HS6ST3: variants seen among roughly 807,000 people sequenced by gnomAD.
HS6ST3 encodes the protein heparan sulfate 6-O-sulfotransferase 3, also known as heparan-sulfate 6-O-sulfotransferase 3.
A neutral mutation model predicts 36.7 loss-of-function variants in HS6ST3; 12 were observed. That is an observed-to-expected ratio of 0.33 (90% CI 0.21 to 0.53). HS6ST3 has a LOEUF of 0.53. Ranked by LOEUF, HS6ST3 falls within the 20% of genes least tolerant of loss-of-function variation. The pLI is 0.95. For missense variants in HS6ST3, 584 were observed against 640.9 expected (o/e 0.91, Z 0.96); for synonymous variants, 240 against 257.5 (o/e 0.93, Z 0.65).
At chr13:96,804,300 C>T (rs1373415127) in intron 1 of HS6ST3, among the ~76,000 whole-genome samples, 1 of 152,174 alleles carries the variant, frequency 6.6e-6, no homozygotes, top group Non-Finnish European at 1.5e-5. Flanking sequence ...GTGCAGATGG[C>T]AGCCCCAAAT....
chr13:96,644,309 A>C (rs907959859), intron 1 of HS6ST3, among the ~76,000 whole-genome samples: 1 of 152,036 alleles, frequency 6.6e-6, no homozygotes, highest in Admixed American at 6.6e-5. Context: ...ACATTCATCA[A>C]TTATGTCATA....
intron 1 of HS6ST3, among the ~76,000 whole-genome samples, chr13:96,804,000 G>A (rs968772391): frequency 3.9e-5 from 6 of 152,068 alleles, no homozygotes; most frequent in East Asian, 3.9e-4. Flanking sequence ...AAAGCCTTTC[G>A]GTCCCATCTC....
At chr13:96,689,532 C>T (rs990443333) in intron 1 of HS6ST3, among the ~76,000 whole-genome samples, 1 of 151,032 alleles carries the variant, frequency 6.6e-6, no homozygotes, top group Non-Finnish European at 1.5e-5. Context: ...TAAGAGGGTC[C>T]CCCAAAATGT....
At chr13:96,331,888 C>T (rs1190600441) in intron 1 of HS6ST3, among the ~76,000 whole-genome samples, 2 of 152,218 alleles carry the variant, frequency 1.3e-5, no homozygotes, top group African/African-American at 4.8e-5. Context: ...TCGTGGTGCG[C>T]CGTTTTTTAA....
chr13:96,496,156 T>C (rs145843998), intron 1 of HS6ST3, among the ~76,000 whole-genome samples: 23 of 152,354 alleles, frequency 1.5e-4, no homozygotes, highest in African/African-American at 5.0e-4. Flanking sequence ...AACACCTTTT[T>C]CATCCCATTC....
intron 1 of HS6ST3, among the ~76,000 whole-genome samples, chr13:96,762,362 C>T (rs1329827779): frequency 1.3e-5 from 2 of 152,156 alleles, no homozygotes; most frequent in Admixed American, 6.5e-5. Context: ...TGCCTGTAAT[C>T]CCAGCTACCT....
chr13:96,670,466 G>T (rs552198082), intron 1 of HS6ST3, among the ~76,000 whole-genome samples: 136 of 152,104 alleles, frequency 8.9e-4, no homozygotes, highest in Non-Finnish European at 1.7e-3. Context: ...TTAAAGGCAT[G>T]AGATCTTATA....
At chr13:96,553,960 C>T (rs7334107) in intron 1 of HS6ST3, among the ~76,000 whole-genome samples, 12,833 of 152,120 alleles carry the variant, frequency 0.084, 990 homozygotes, top group African/African-American at 0.21. Flanking sequence ...TACAATAAAT[C>T]GCATTAGGGA....
rs1258594583 is a variant in HS6ST3 at position 96,254,496 on chromosome 13, T to C, written c.707+162927T>C. ...ATATATATATATATATATATATATA[T>C]ATACACATACATACACACACACACT... On this transcript the variant is annotated intron_variant, in intron 1 of 1. Transcript: ENST00000376705. Among the ~76,000 whole-genome samples, 190 of 21,884 alleles carry C rather than the reference T, an allele frequency of 8.7e-3. 10 individuals are homozygous for C. The highest frequency in any genetic ancestry group is 0.029 in the African/African-American group (172 of 5,970). 14.4% of individuals were successfully genotyped at this position (21,884 alleles called of 152,430 possible). A position where few individuals can be genotyped will look rare whatever the true frequency, so the allele number is the denominator to read the frequency against.
intron 1 of HS6ST3, among the ~76,000 whole-genome samples, chr13:96,650,592 T>G (rs1356507088): frequency 1.3e-5 from 2 of 152,012 alleles, no homozygotes; most frequent in Non-Finnish European, 2.9e-5. Flanking sequence ...GAATGAGTAC[T>G]GAATGTCAAA....
At chr13:96,523,823 A>G (rs889803623) in intron 1 of HS6ST3, among the ~76,000 whole-genome samples, 1 of 152,108 alleles carries the variant, frequency 6.6e-6, no homozygotes, top group Non-Finnish European at 1.5e-5. Context: ...AGCTCAGAGA[A>G]GTTTGTTATT....
At chr13:96,290,110 A>G (rs1360525042) in intron 1 of HS6ST3, among the ~76,000 whole-genome samples, 1 of 151,960 alleles carries the variant, frequency 6.6e-6, no homozygotes. Flanking sequence ...TGATTGTCCT[A>G]TGGGCAGTTA....
chr13:96,327,657 A>G (rs1045615083), intron 1 of HS6ST3, among the ~76,000 whole-genome samples: 1 of 151,478 alleles, frequency 6.6e-6, no homozygotes, highest in Non-Finnish European at 1.5e-5. Flanking sequence ...TGACTTGGCG[A>G]TGCGGGCTCT....
intron 1 of HS6ST3, among the ~76,000 whole-genome samples, chr13:96,133,082 G>C (rs1315881128): frequency 1.2e-4 from 18 of 151,752 alleles, no homozygotes; most frequent in Admixed American, 1.2e-3. Flanking sequence ...ATTGTCTCTT[G>C]ACCTTATTGT....
chr13:96,571,307 T>C (rs2056300194), intron 1 of HS6ST3, among the ~76,000 whole-genome samples: 1 of 152,314 alleles, frequency 6.6e-6, no homozygotes. Context: ...GTGGAACATG[T>C]TGGTTTTTCG....
intron 1 of HS6ST3, among the ~76,000 whole-genome samples, chr13:96,806,163 A>G (rs1395983204): frequency 2.0e-5 from 3 of 152,360 alleles, no homozygotes; most frequent in Non-Finnish European, 4.4e-5. Context: ...GAAACTAACC[A>G]GGACAAATAA....
At chr13:96,417,557 G>A (rs1481972913) in intron 1 of HS6ST3, among the ~76,000 whole-genome samples, 7 of 150,976 alleles carry the variant, frequency 4.6e-5, no homozygotes, top group Non-Finnish European at 7.4e-5. Flanking sequence ...TCTATAGAGG[G>A]CCCAGCATGG....
Position 96,834,557 on chromosome 13 carries a change from A to G in HS6ST3, c.*1359A>G, listed in dbSNP as rs1003133177. 6.6e-6 allele frequency: 1 copy of G among 152,526 alleles called. No individual in the cohort carries two copies. The highest frequency in any genetic ancestry group is 2.4e-5 in the African/African-American group (1 of 41,446). The allele number at this position is 152,526 out of a possible 1,614,324, so 9.4% of individuals were successfully genotyped here. On this transcript the variant is annotated 3_prime_UTR_variant, in exon 2 of 2. Transcript: ENST00000376705. Reference sequence around the variant, plus strand: ...TTTATTGACTAATAAGGGAATATGTATGGAAGAAGGAAGAGAAAGCCTTTG... The same window carrying G: ...TTTATTGACTAATAAGGGAATATGTGTGGAAGAAGGAAGAGAAAGCCTTTG...
At chr13:96,556,176 C>A (rs561090504) in intron 1 of HS6ST3, among the ~76,000 whole-genome samples, 1 of 152,286 alleles carries the variant, frequency 6.6e-6, no homozygotes, top group Non-Finnish European at 1.5e-5. Context: ...GACCATGTGT[C>A]CTTCCTAAGG....
Sources: gnomAD v4.1 joint callset for allele counts (sites outside exome capture counted in the v4.1 genomes callset) on GRCh38, gnomAD v4.1.1 for gene constraint, MANE v1.5 for transcripts, NCBI Gene and HGNC (gene_info 2026-07-23, HGNC 2026-07-21) for gene names.